Variants in CELSR1 observed in about 807,000 individuals in gnomAD.
The protein encoded by CELSR1 is adhesion G protein-coupled receptor C1.
In CELSR1, 110 loss-of-function variants were observed where a neutral mutation model predicts 249.1. That is an observed-to-expected ratio of 0.44 (90% CI 0.38 to 0.52). The LOEUF (loss-of-function observed/expected upper bound fraction) is 0.52, where lower values mean the gene tolerates loss of function less well. Among genes scored for constraint, CELSR1 ranks in the 20% least tolerant of loss-of-function variants. The pLI is 0.00. For missense variants in CELSR1, 4,109 were observed against 4,296.4 expected, an observed-to-expected ratio of 0.96 and a Z score of 1.22; for synonymous variants, 2,113 against 1,900.0, an observed-to-expected ratio of 1.11 and a Z score of -2.92.
intron 1 of CELSR1, among the ~76,000 whole-genome samples, chr22:46,516,829 G>A (rs1398583013): frequency 6.6e-6 from 1 of 152,340 alleles, no homozygotes; most frequent in African/African-American, 2.4e-5. Flanking sequence ...GGAAGCTGCG[G>A]GGTGGGGACT....
chr22:46,434,579 C>G lies in CELSR1; in HGVS notation c.4523-1098G>C, dbSNP rs1365369061. 2.0e-5 allele frequency among the ~76,000 whole-genome samples: 3 copies of G among 152,192 alleles called. No individual in the cohort carries two copies. The highest frequency in any genetic ancestry group is 4.4e-5 in the Non-Finnish European group (3 of 68,024). ...TTTATTGAGTATAGAAAACAAAGCT[C>G]CATCCTCCACCATCACACACATGTC... On this transcript the variant is annotated intron_variant, in intron 4 of 34. Transcript: ENST00000674500. The surrounding 1 kb of genome is among the most constrained non-coding windows in gnomAD (Gnocchi z 4.9).
chr22:46,456,661 T>TA (rs556357746), intron 2 of CELSR1, among the ~76,000 whole-genome samples: 2,740 of 60,126 alleles, frequency 0.046, 162 homozygotes, highest in African/African-American at 0.09. Flanking sequence ...AGACTCTGTC[T>TA]AAAAAAAAAA....
At chr22:46,453,914 G>A (rs566523958) in intron 2 of CELSR1, among the ~76,000 whole-genome samples, 23 of 152,310 alleles carry the variant, frequency 1.5e-4, no homozygotes, top group South Asian at 1.0e-3. Flanking sequence ...AGGAGCAGCC[G>A]GGGTTGTTAG....
At chr22:46,431,067 G>A (rs780622504) in intron 5 of CELSR1, among the ~76,000 whole-genome samples, 1 of 152,250 alleles carries the variant, frequency 6.6e-6, no homozygotes, top group East Asian at 1.9e-4. Flanking sequence ...ACGGGAGGCT[G>A]TGCTCAGGCA....
Position 46,363,840 on chromosome 22 carries a change from GCGCCTCC to G in CELSR1, c.9035+149_9035+155del. The G allele has an allele frequency of 9.9e-7, 1 of 1,011,374 alleles. No individual in the cohort carries two copies. Among genetic ancestry groups the G allele is most frequent in the Non-Finnish European group, 1.4e-6 (1 of 718,906 alleles). The allele number at this position is 1,011,374 out of a possible 1,614,324, so 62.7% of individuals were successfully genotyped here. On this transcript the variant is annotated intron_variant, in intron 34 of 34. Coordinates refer to ENST00000674500, the MANE Select transcript of CELSR1 (RefSeq NM_001378328.1). The surrounding 1 kb of genome is among the most constrained non-coding windows in gnomAD (Gnocchi z 4.3). ...GGGTATCCTCCTGACCTCAGCTGCA[GCGCCTCC>G]CCCCTCCCCCATCCCCGCCTGGGCT...
rs780610616 is a variant in CELSR1 at position 46,533,951 on chromosome 22, C to G, written c.3220G>C (p.Val1074Leu). The G allele has an allele frequency of 6.2e-7, 1 of 1,613,324 alleles. No individual in the cohort carries two copies. The highest frequency in any genetic ancestry group is 1.7e-4 in the Middle Eastern group (1 of 6,060). ...FEVRREYVLV[V>L]QATSAPLVSR... The stretch of plus-strand genomic sequence containing the variant: ...ACCAGCGGAGCCGACGTGGCCTGCA[C>G]CACCAGCACATACTCCCGCCGGACC... The change falls in exon 1 of 35, where the codon GTG (valine) becomes CTG (leucine). Residue 1074 changes from valine (V) to leucine (L), a missense_variant. By Grantham distance (32) the Val-to-Leu change is conservative. Transcript: ENST00000674500.
At chr22:46,495,068 A>C (rs1271931880) in intron 1 of CELSR1, among the ~76,000 whole-genome samples, 1 of 152,234 alleles carries the variant, frequency 6.6e-6, no homozygotes, top group Non-Finnish European at 1.5e-5. Flanking sequence ...AGCTAGACCC[A>C]GCTGGTACAG....
In CELSR1 at chr22:46,536,763, G is replaced by T; in HGVS notation, c.408C>A (p.Pro136=). 8.5e-7 allele frequency: 1 copy of T among 1,182,968 alleles called. No homozygotes were observed. The highest frequency in any genetic ancestry group is 1.0e-6 in the Non-Finnish European group (1 of 957,852). 73.3% of individuals were successfully genotyped at this position (1,182,968 alleles called of 1,614,324 possible). Residue 136 remains proline, a synonymous_variant, in exon 1 of 35, where the codon CCC becomes CCA. Transcript: ENST00000674500. ...RLCGALCFPV[P]GGCAAAQHSA... is the part of the protein sequence containing the mutation. Reference sequence around the variant, plus strand: ...AATGCTGCGCGGCCGCGCAGCCGCCGGGGACGGGGAAGCAGAGCGCCCCGC... The same window carrying T: ...AATGCTGCGCGGCCGCGCAGCCGCCTGGGACGGGGAAGCAGAGCGCCCCGC...
rs1244071230 is a variant in CELSR1 at position 46,441,775 on chromosome 22, G to T, written c.4184-2364C>A. Among the ~76,000 whole-genome samples, 2 of 152,178 alleles carry T rather than the reference G, an allele frequency of 1.3e-5. No homozygotes were observed. The highest frequency in any genetic ancestry group is 4.8e-5 in the African/African-American group (2 of 41,438). Reference sequence around the variant, plus strand: ...GGCTTCAATGTAGAAATTTATGAGGGCACCATTCTGTCCAGAGCAGATATG... The same window carrying T: ...GGCTTCAATGTAGAAATTTATGAGGTCACCATTCTGTCCAGAGCAGATATG... On this transcript the variant is annotated intron_variant, in intron 2 of 34. Coordinates refer to ENST00000674500, the MANE Select transcript of CELSR1 (RefSeq NM_001378328.1). This position sits in a 1 kb window ranked among gnomAD's most constrained non-coding sequence, Gnocchi z 6.1.
At chr22:46,416,400 C>T (rs1186425153) in intron 5 of CELSR1, among the ~76,000 whole-genome samples, 2 of 152,198 alleles carry the variant, frequency 1.3e-5, no homozygotes, top group African/African-American at 4.8e-5. Context: ...CCTGCACCAA[C>T]ACCCCTTGCA....
Position 46,535,161 on chromosome 22 carries a change from G to A in CELSR1, c.2010C>T (p.Ser670=). 1 of 1,609,860 alleles carries A rather than the reference G, an allele frequency of 6.2e-7. No homozygotes were observed. Among genetic ancestry groups the A allele is most frequent in the Non-Finnish European group, 8.5e-7 (1 of 1,179,658 alleles). ...CCAGCACCGTGATGGACACGCTGGT[G>A]GAGGAGCTCATGGGGGGCGAGCCGT... ...VDHGSPPMSS[S]TSVSITVLDV... Residue 670 remains serine, a synonymous_variant, in exon 1 of 35, where the codon TCC becomes TCT. Coordinates refer to ENST00000674500, the MANE Select transcript of CELSR1 (RefSeq NM_001378328.1).
At chr22:46,415,147 G>A (rs572342122) in intron 5 of CELSR1, among the ~76,000 whole-genome samples, 1 of 152,100 alleles carries the variant, frequency 6.6e-6, no homozygotes, top group East Asian at 1.9e-4. Context: ...AATGGTATGG[G>A]GTGATGAAAA....
At position 46,398,954 on chromosome 22, in the gene CELSR1, G is replaced by C. The variant is rs1339455313; in HGVS notation, c.5413-317C>G. Among the ~76,000 whole-genome samples, 1 of 152,234 alleles carries C rather than the reference G, an allele frequency of 6.6e-6. No homozygotes were observed. The highest frequency in any genetic ancestry group is 1.5e-5 in the Non-Finnish European group (1 of 68,044). On this transcript the variant is annotated intron_variant, in intron 10 of 34. Transcript: ENST00000674500. This position sits in a 1 kb window ranked among gnomAD's most constrained non-coding sequence, Gnocchi z 7.2. Reference sequence around the variant, plus strand: ...ACTAAACCAGCCACGCTGTGACAGAGAGCTTGGCGAGTCAGGAAGACTGCA... The same window carrying C: ...ACTAAACCAGCCACGCTGTGACAGACAGCTTGGCGAGTCAGGAAGACTGCA...
In CELSR1 at chr22:46,380,765, G is replaced by T. The variant is rs1216660358; in HGVS notation, c.7256+23C>A. ...CTCTGCCTTGGCAAAGCCCTCACAT[G>T]GGGCTCCTGGCGTCACACTTACGCC... is the stretch of plus-strand genomic sequence containing the variant. On this transcript the variant is annotated intron_variant, in intron 22 of 34. Coordinates refer to ENST00000674500, the MANE Select transcript of CELSR1 (RefSeq NM_001378328.1). This position sits in a 1 kb window ranked among gnomAD's most constrained non-coding sequence, Gnocchi z 5.1. The T allele has an allele frequency of 1.9e-6, 3 of 1,605,860 alleles. No homozygotes were observed.
chr22:46,526,715 G>A lies in CELSR1; in HGVS notation c.3544+6912C>T, dbSNP rs2080742268. The stretch of plus-strand genomic sequence containing the variant: ...TCCTGCTCCAGCTCCCAAGCAGACT[G>A]TTCCCCACCCAGGAGGCTATTCGGG... On this transcript the variant is annotated intron_variant, in intron 1 of 34. Coordinates refer to ENST00000674500, the MANE Select transcript of CELSR1 (RefSeq NM_001378328.1). This position sits in a 1 kb window ranked among gnomAD's most constrained non-coding sequence, Gnocchi z 4.7. Among the ~76,000 whole-genome samples, 1 of 152,134 alleles carries A rather than the reference G, an allele frequency of 6.6e-6. No homozygotes were observed. Among genetic ancestry groups the A allele is most frequent in the African/African-American group, 2.4e-5 (1 of 41,408 alleles).
rs2080646413 is a variant in CELSR1, at chr22:46,518,021, G to A, written c.3544+15606C>T. ...GCGTTCAAGTGATTCTCCTGCCTCA[G>A]CCTCCCAAGTAGCTGGGATTACAGT... is the stretch of plus-strand genomic sequence containing the variant. On this transcript the variant is annotated intron_variant, in intron 1 of 34. Transcript: ENST00000674500. The surrounding 1 kb of genome is among the most constrained non-coding windows in gnomAD (Gnocchi z 5.2). 6.6e-6 allele frequency among the ~76,000 whole-genome samples: 1 copy of A among 151,760 alleles called. No individual in the cohort carries two copies. The highest frequency in any genetic ancestry group is 1.5e-5 in the Non-Finnish European group (1 of 68,004).
rs914794879 is a variant in CELSR1, at chr22:46,429,403, C to G, written c.4611+3990G>C. 6.6e-6 allele frequency among the ~76,000 whole-genome samples: 1 copy of G among 152,224 alleles called. No individual in the cohort carries two copies. The highest frequency in any genetic ancestry group is 1.5e-5 in the Non-Finnish European group (1 of 68,044). ...TGAAGCAACGACTGAAAATGCTCCACTCGGCCCCAAACCTCCCGGCGTGGC... is the reference window on the plus strand; with the variant it reads ...TGAAGCAACGACTGAAAATGCTCCAGTCGGCCCCAAACCTCCCGGCGTGGC... On this transcript the variant is annotated intron_variant, in intron 5 of 34. Transcript: ENST00000674500. The surrounding 1 kb of genome is among the most constrained non-coding windows in gnomAD (Gnocchi z 4.1).
chr22:46,516,209 A>C (rs2080626016), intron 1 of CELSR1, among the ~76,000 whole-genome samples: 1 of 152,220 alleles, frequency 6.6e-6, no homozygotes, highest in Non-Finnish European at 1.5e-5. Flanking sequence ...AACCAACCCA[A>C]ATGTCCACCA....
intron 1 of CELSR1, among the ~76,000 whole-genome samples, chr22:46,510,604 C>G (rs1295398407): frequency 6.6e-6 from 1 of 152,090 alleles, no homozygotes; most frequent in African/African-American, 2.4e-5. Flanking sequence ...ACACGCAGCC[C>G]CAGAAAAGTC....
Sources: allele counts gnomAD v4.1 joint callset (sites outside exome capture counted in the v4.1 genomes callset), GRCh38; gene constraint gnomAD v4.1.1; non-coding constraint Gnocchi (gnomAD v3.1); transcripts MANE v1.5; gene names NCBI Gene and HGNC (gene_info 2026-07-23, HGNC 2026-07-21).